Variants in MROH2B observed in about 807,000 individuals in gnomAD.
MROH2B encodes maestro heat like repeat family member 2B.
Under a neutral mutation model 208.6 loss-of-function variants are expected in MROH2B, and 177 were observed. The ratio of observed to expected loss-of-function variants is 0.85; its 90% confidence interval spans 0.75 to 0.96. MROH2B has a LOEUF of 0.96. MROH2B is among the 40% of genes least tolerant of loss of function. MROH2B has a pLI of 0.00. For synonymous variants in MROH2B, 728 were observed against 659.0 expected (o/e 1.10, Z -1.60); for missense variants, 2,002 against 1,878.7 (o/e 1.07, Z -1.21).
At chr5:40,998,488 T>G (rs1323321654) in intron 41 of MROH2B, 124 bp downstream of exon 41, 1 of 764,472 alleles carries the variant, frequency 1.3e-6, no homozygotes, top group East Asian at 2.7e-5. Flanking sequence ...CTAGAGAGCA[T>G]CAGAGACAAT....
Position 41,067,169 on chromosome 5 carries a change from A to G in MROH2B, c.140T>C (p.Leu47Ser). Reference protein sequence around the residue: ...LTSVIQNTDILDDAIVQRLIY... With the variant: ...LTSVIQNTDISDDAIVQRLIY... The stretch of plus-strand genomic sequence containing the variant: ...CAATCGTTGGACAATTGCATCATCC[A>G]AGATGTCAGTATTCTGAATAACAGA... Residue 47 changes from leucine to serine, a missense_variant, in exon 3 of 42, where the codon TTG becomes TCG. Physicochemically the swap from Leu to Ser is moderately radical, Grantham distance 145. Coordinates refer to ENST00000399564, the MANE Select transcript of MROH2B (RefSeq NM_173489.5). 1 of 1,556,042 alleles carries G rather than the reference A, an allele frequency of 6.4e-7. No individual in the cohort carries two copies. Among genetic ancestry groups the G allele is most frequent in the Non-Finnish European group, 8.7e-7 (1 of 1,148,478 alleles).
chr5:41,064,428 A>G (rs770364186), intron 5 of MROH2B, 44 bp downstream of exon 5: 10 of 1,526,530 alleles, frequency 6.6e-6, no homozygotes, highest in Non-Finnish European at 9.0e-6. Context: ...AAGACAGTTC[A>G]CAGCCTGGTT....
chr5:41,069,394 G>A (rs1743912630), intron 2 of MROH2B, among the ~76,000 whole-genome samples: 1 of 152,156 alleles, frequency 6.6e-6, no homozygotes, highest in African/African-American at 2.4e-5. Context: ...AAAAGAAACA[G>A]TCTCATCCAC....
chr5:41,036,728 T>C (rs1204551492), intron 21 of MROH2B, among the ~76,000 whole-genome samples: 2 of 152,110 alleles, frequency 1.3e-5, no homozygotes, highest in African/African-American at 2.4e-5. Flanking sequence ...CCTTGCTCAC[T>C]ACCTGGGTGC....
Position 41,004,390 on chromosome 5 carries a change from A to G in MROH2B, c.4150T>C (p.Tyr1384His), listed in dbSNP as rs1741500897. Reference protein sequence around the residue: ...ELLTDRDVSFYFKEIVLQTRT... With the variant: ...ELLTDRDVSFHFKEIVLQTRT... ...GTTTGCAGCACTATTTCCTTGAAGT[A>G]GAAGCTCACGTCTCGGTCTGTCAGC... The change falls in exon 37 of 42, where the codon TAC (tyrosine) becomes CAC (histidine). Residue 1384 changes from tyrosine (Y) to histidine (H), a missense_variant. By Grantham distance (83) the Tyr-to-His change is moderately conservative (BLOSUM62 2). Coordinates refer to ENST00000399564, the MANE Select transcript of MROH2B (RefSeq NM_173489.5). 1.2e-6 allele frequency: 2 copies of G among 1,613,984 alleles called. No homozygotes were observed. The highest frequency in any genetic ancestry group is 1.7e-6 in the Non-Finnish European group (2 of 1,179,866).
At chr5:41,062,229 T>A (rs1743664647) in intron 5 of MROH2B, among the ~76,000 whole-genome samples, 1 of 152,172 alleles carries the variant, frequency 6.6e-6, no homozygotes, top group Admixed American at 6.5e-5. Flanking sequence ...TAGGTAGAAT[T>A]CTATTACATT....
intron 12 of MROH2B, 75 bp downstream of exon 12, chr5:41,052,390 T>C (rs1743311895): frequency 1.4e-6 from 2 of 1,384,268 alleles, no homozygotes; most frequent in African/African-American, 2.9e-5. Flanking sequence ...ATCCTAATCA[T>C]TTTTTAAAAA....
chr5:41,005,741 G>C, intron 34 of MROH2B, 96 bp from the exon 35 acceptor site: 1 of 1,068,536 alleles, frequency 9.4e-7, no homozygotes, highest in Middle Eastern at 2.1e-4. Context: ...GTCTAAAAAG[G>C]AATGCTTGGC....
In MROH2B at chr5:41,034,002, C is replaced by T. The variant is rs1043365465; in HGVS notation, c.2215-138G>A. The stretch of plus-strand genomic sequence containing the variant: ...TAGAGCCTTGCCAAGGGGGGTCTTG[C>T]CAAGGGGAGGGGGGCAATTCACTTC... On this transcript the variant is annotated intron_variant, in intron 21 of 41. Transcript: ENST00000399564. 17 of 1,409,126 alleles carry T rather than the reference C, an allele frequency of 1.2e-5. No individual in the cohort carries two copies. The South Asian group carries it at 3.0e-4, about 25-fold the overall frequency. 87.3% of individuals were successfully genotyped at this position (1,409,126 alleles called of 1,614,324 possible). A position where few individuals can be genotyped will look rare whatever the true frequency, so the allele number is the denominator to read the frequency against.
rs769846151 is a variant in MROH2B, at chr5:41,039,563, C to T, written c.1954-8G>A. ...TAAAATAGATGTTATTCCCTAAAAT[C>T]AGAAAAGGTATGACATTTTGAGTTT... On this transcript the variant is annotated splice_region_variant and splice_polypyrimidine_tract_variant and intron_variant, in intron 19 of 41. Transcript: ENST00000399564. 17 of 1,541,850 alleles carry T rather than the reference C, an allele frequency of 1.1e-5. No homozygotes were observed. Among genetic ancestry groups the T allele is most frequent in the Non-Finnish European group, 1.4e-5 (16 of 1,128,738 alleles).
intron 24 of MROH2B, among the ~76,000 whole-genome samples, chr5:41,030,337 T>C (rs562332966): frequency 1.4e-4 from 22 of 152,020 alleles, no homozygotes; most frequent in African/African-American, 5.3e-4. Flanking sequence ...TACAAATCAG[T>C]AGCTCTGCTA....
At chr5:41,058,273 G>C in intron 6 of MROH2B, 70 bp from the exon 7 acceptor site, 3 of 1,392,754 alleles carry the variant, frequency 2.2e-6, no homozygotes, top group Non-Finnish European at 2.8e-6. Flanking sequence ...CAGAACACCA[G>C]GAGCTTTAGG....
At chr5:41,005,472 A>G (rs1561274158) in intron 35 of MROH2B, 59 bp downstream of exon 35, 4 of 915,826 alleles carry the variant, frequency 4.4e-6, no homozygotes, top group Non-Finnish European at 6.1e-6. Flanking sequence ...GCTCCAGACC[A>G]TAAGAGAAAT....
intron 35 of MROH2B, 78 bp downstream of exon 35, chr5:41,005,453 G>A (rs1579901447): frequency 1.6e-6 from 1 of 607,642 alleles, no homozygotes. Context: ...TGGTTCCAGT[G>A]CACACTGGGC....
At chr5:41,031,626 G>A (rs1422170056) in intron 24 of MROH2B, among the ~76,000 whole-genome samples, 1 of 152,116 alleles carries the variant, frequency 6.6e-6, no homozygotes, top group African/African-American at 2.4e-5. Context: ...GACGGTACAT[G>A]TGTGGGTTTG....
intron 30 of MROH2B, among the ~76,000 whole-genome samples, chr5:41,012,311 C>T (rs886328015): frequency 2.6e-5 from 4 of 152,218 alleles, no homozygotes; most frequent in Admixed American, 6.5e-5. Context: ...TGTTTTCCAT[C>T]ATCCAAATGG....
intron 24 of MROH2B, among the ~76,000 whole-genome samples, chr5:41,028,016 C>G (rs543111067): frequency 6.6e-6 from 1 of 150,514 alleles, no homozygotes; most frequent in African/African-American, 2.4e-5. Context: ...GGGTGGGGAA[C>G]ATCACACACC....
At position 41,010,064 on chromosome 5, in the gene MROH2B, C is replaced by G; in HGVS notation, c.3151G>C (p.Gly1051Arg). The G allele has an allele frequency of 6.2e-7, 1 of 1,613,048 alleles. No homozygotes were observed. Among genetic ancestry groups the G allele is most frequent in the Non-Finnish European group, 8.5e-7 (1 of 1,179,536 alleles). The change falls in exon 31 of 42, where the codon GGC (glycine) becomes CGC (arginine). Residue 1051 changes from glycine (G) to arginine (R), a missense_variant. Physicochemically the swap from Gly to Arg is moderately radical, Grantham distance 125 (BLOSUM62 -2). Transcript: ENST00000399564. ...ALEDQLLEIL[G>R]TIYHHMPVLR... ...ACTGGCATGTGATGGTAGATTGTGC[C>G]TAAGATCTCCAATAGCTAAAGAGAA...
At chr5:41,037,189 C>T (rs987120001) in intron 21 of MROH2B, among the ~76,000 whole-genome samples, 1 of 152,034 alleles carries the variant, frequency 6.6e-6, no homozygotes, top group Non-Finnish European at 1.5e-5. Flanking sequence ...TGGTTTCAAA[C>T]CCCTGGCCTC....
Sources: gnomAD v4.1 joint callset for allele counts (sites outside exome capture counted in the v4.1 genomes callset) on GRCh38, gnomAD v4.1.1 for gene constraint, MANE v1.5 for transcripts, NCBI Gene and HGNC (gene_info 2026-07-23, HGNC 2026-07-21) for gene names.